The following UBA2 variants were observed in gnomAD, a reference collection of about 807,000 sequenced individuals.
The protein encoded by UBA2 is ubiquitin like modifier activating enzyme 2, also known as SUMO-activating enzyme subunit 2.
UBA2 carries 11 observed loss-of-function variants against 77.2 expected under a neutral mutation model. The ratio of observed to expected loss-of-function variants is 0.14; its 90% CI spans 0.09 to 0.24. UBA2 has a LOEUF of 0.24. UBA2 is among the 10% of genes least tolerant of loss of function. The pLI, the probability that UBA2 is intolerant of heterozygous loss-of-function variation, is 1.00. For missense variants in UBA2, 487 were observed against 781.7 expected, an observed-to-expected ratio of 0.62 and a Z score of 4.50; for synonymous variants, 278 against 276.7, an observed-to-expected ratio of 1.00 and a Z score of -0.05.
At chr19:34,429,691 C>T (rs2075229679) in intron 1 of UBA2, among the ~76,000 whole-genome samples, 1 of 151,760 alleles carries the variant, frequency 6.6e-6, no homozygotes, top group Admixed American at 6.6e-5. Flanking sequence ...AGAAAATTAG[C>T]GGGGCGTGGT....
At chr19:34,429,249 C>T in intron 1 of UBA2, 2 of 985,356 alleles carry the variant, frequency 2.0e-6, no homozygotes, top group Non-Finnish European at 2.4e-6. Context: ...TCATTAAAGA[C>T]GTTAGGACTG....
intron 4 of UBA2, 138 bp downstream of exon 4, chr19:34,433,550 G>A (rs2145491954): frequency 3.1e-6 from 2 of 650,636 alleles, no homozygotes; most frequent in Non-Finnish European, 5.2e-6. Context: ...TTTAAAGCAT[G>A]CCCATTGATT....
Position 34,443,829 on chromosome 19 carries a change from A to T in UBA2, c.582-15A>T. ...GCTTTGTTATACAGAAGTATTTACT[A>T]TTCTTAAATTATAGCCAGTTGTTTG... On this transcript the variant is annotated splice_polypyrimidine_tract_variant and intron_variant, in intron 6 of 16. Transcript: ENST00000246548. 6.6e-7 allele frequency: 1 copy of T among 1,512,910 alleles called. No homozygotes were observed. Among genetic ancestry groups the T allele is most frequent in the South Asian group, 1.1e-5 (1 of 88,984 alleles). 93.7% of individuals were successfully genotyped at this position (1,512,910 alleles called of 1,614,324 possible).
At chr19:34,456,032 C>G (rs1009514556) in intron 12 of UBA2, among the ~76,000 whole-genome samples, 1 of 151,542 alleles carries the variant, frequency 6.6e-6, no homozygotes, top group African/African-American at 2.4e-5. Context: ...CCACCTTGGC[C>G]CCCCAAAGTG....
chr19:34,461,657 G>C (rs2075632264), intron 14 of UBA2, among the ~76,000 whole-genome samples: 1 of 152,186 alleles, frequency 6.6e-6, no homozygotes, highest in African/African-American at 2.4e-5. Flanking sequence ...GGGTGAGACA[G>C]CACTTACCAG....
intron 8 of UBA2, among the ~76,000 whole-genome samples, chr19:34,445,731 C>T (rs754046501): frequency 2.6e-5 from 4 of 152,118 alleles, no homozygotes; most frequent in African/African-American, 4.8e-5. Context: ...AGCCACTGCT[C>T]CTGGCTTCAT....
At position 34,452,624 on chromosome 19, in the gene UBA2, A is replaced by T. The variant is rs563248986; in HGVS notation, c.1038+477A>T. ...TTCTTAGAAGTTAAAATCATATTTA[A>T]TAGTACTCTGCAGTTATGTCATCTT... On this transcript the variant is annotated intron_variant, in intron 10 of 16. Transcript: ENST00000246548. 2.0e-5 allele frequency among the ~76,000 whole-genome samples: 3 copies of T among 152,366 alleles called. No homozygotes were observed. The East Asian group carries it at 5.8e-4, about 29-fold the overall frequency.
Position 34,445,023 on chromosome 19 carries a change from A to G in UBA2, c.673A>G (p.Arg225Gly). The G allele has an allele frequency of 6.2e-7, 1 of 1,612,978 alleles. No individual in the cohort carries two copies. Among genetic ancestry groups the G allele is most frequent in the Non-Finnish European group, 8.5e-7 (1 of 1,179,724 alleles). ...AGGGGAACCAACGGAAGCCGAAGCCAGAGCTAGAGCATCTAATGAAGATGG... is the reference window on the plus strand; with the variant it reads ...AGGGGAACCAACGGAAGCCGAAGCCGGAGCTAGAGCATCTAATGAAGATGG... ...AAWEPTEAEA[R>G]ARASNEDGDI... is the part of the protein sequence containing the mutation. The change falls in exon 8 of 17, where the codon AGA becomes GGA. Residue 225 changes from arginine (R) to glycine (G), a missense_variant. Physicochemically the swap from Arg to Gly is moderately radical, Grantham distance 125. This residue lies in a region of UBA2 where 300 missense variants were observed against 454.3 expected (regional missense o/e 0.66). Coordinates refer to ENST00000246548, the MANE Select transcript of UBA2 (RefSeq NM_005499.3).
chr19:34,445,325 A>AC (rs1599906432), intron 8 of UBA2, among the ~76,000 whole-genome samples: 1 of 152,200 alleles, frequency 6.6e-6, no homozygotes, highest in East Asian at 1.9e-4. Context: ...TATCAGTATA[A>AC]CATCTAAATA....
intron 12 of UBA2, among the ~76,000 whole-genome samples, chr19:34,457,180 ATATATAT>A (rs1269077149): frequency 3.8e-4 from 15 of 39,984 alleles, no homozygotes; most frequent in Admixed American, 2.1e-3. Context: ...AAAAAAAAAA[ATATATAT>A]ATATATATAT....
At chr19:34,444,679 T>C (rs1415171817) in intron 7 of UBA2, among the ~76,000 whole-genome samples, 2 of 152,194 alleles carry the variant, frequency 1.3e-5, no homozygotes, top group Non-Finnish European at 2.9e-5. Flanking sequence ...TGGTGGTGCA[T>C]ACCTGTAGTC....
In UBA2 at chr19:34,467,025, C is replaced by A; in HGVS notation, c.1741+11C>A. 1 of 1,607,714 alleles carries A rather than the reference C, an allele frequency of 6.2e-7. No homozygotes were observed. Among genetic ancestry groups the A allele is most frequent in the Non-Finnish European group, 8.5e-7 (1 of 1,174,964 alleles). ...CCTCCACCTCCACAGGTGAGTATGG[C>A]CCCAGCCAGCAGGTTGTTAAATACC... On this transcript the variant is annotated intron_variant, in intron 16 of 16. Coordinates refer to ENST00000246548, the MANE Select transcript of UBA2 (RefSeq NM_005499.3).
chr19:34,445,751 T>C (rs1465834052), intron 8 of UBA2, among the ~76,000 whole-genome samples: 2 of 152,180 alleles, frequency 1.3e-5, no homozygotes, highest in Non-Finnish European at 2.9e-5. Context: ...TGTTCACTTT[T>C]ATTTCTTGCT....
chr19:34,468,171 AT>A (rs2075707232), intron 16 of UBA2, among the ~76,000 whole-genome samples: 1 of 152,052 alleles, frequency 6.6e-6, no homozygotes, highest in Non-Finnish European at 1.5e-5. Flanking sequence ...AGGTTACCAG[AT>A]TTTGACTTCT....
intron 1 of UBA2, chr19:34,429,063 T>G (rs2075221216): frequency 1.0e-6 from 1 of 985,366 alleles, no homozygotes; most frequent in East Asian, 1.1e-4. Flanking sequence ...GCGCACCATC[T>G]TCATACCACC....
intron 8 of UBA2, among the ~76,000 whole-genome samples, chr19:34,449,065 C>CTT (rs11332668): frequency 0.011 from 778 of 73,830 alleles, 15 homozygotes; most frequent in African/African-American, 0.023. Context: ...AAATATAAAT[C>CTT]TTTTTTTTTT....
chr19:34,432,707 G>A (rs763715788), intron 3 of UBA2, among the ~76,000 whole-genome samples: 9 of 152,090 alleles, frequency 5.9e-5, no homozygotes, highest in Non-Finnish European at 1.2e-4. Context: ...ACAGGCGCAC[G>A]CCACCACACT....
At chr19:34,451,061 A>G (rs966444538) in intron 9 of UBA2, among the ~76,000 whole-genome samples, 1 of 152,082 alleles carries the variant, frequency 6.6e-6, no homozygotes, top group African/African-American at 2.4e-5. Context: ...GGCTGTTCAC[A>G]GGCTGTCATA....
rs117721169 is a variant in UBA2 at position 34,435,088 on chromosome 19, T to C, written c.459+120T>C. 1.6e-4 allele frequency: 117 copies of C among 722,968 alleles called. 1 individual carries two copies. The East Asian group carries it at 2.4e-3, about 15-fold the overall frequency. The allele number at this position is 722,968 out of a possible 1,614,324, so 44.8% of individuals were successfully genotyped here. A position where few individuals can be genotyped will look rare whatever the true frequency, so the allele number is the denominator to read the frequency against. The stretch of plus-strand genomic sequence containing the variant: ...GTGAACATCCAAAATGTAAGGACTT[T>C]TATGCTTATATAAAACTTAAAATGC... On this transcript the variant is annotated intron_variant, in intron 5 of 16. Transcript: ENST00000246548.
Sources: gnomAD v4.1 joint callset for allele counts (sites outside exome capture counted in the v4.1 genomes callset) on GRCh38, gnomAD v4.1.1 for gene constraint, gnomAD v4.1.1 regional missense constraint, MANE v1.5 for transcripts, NCBI Gene and HGNC (gene_info 2026-07-23, HGNC 2026-07-21) for gene names.